The following CD96 variants were observed in gnomAD, a reference collection of about 807,000 sequenced individuals.
The protein encoded by CD96 is CD96 molecule.
In CD96, 70 loss-of-function variants were observed where a neutral mutation model predicts 71.3. The observed-to-expected ratio is 0.98, with a 90% CI of 0.81 to 1.20. The LOEUF (loss-of-function observed/expected upper bound fraction) is 1.20. Ranked by LOEUF, CD96 falls within the 50% of genes most tolerant of loss-of-function variation. The pLI is 0.00. For synonymous variants in CD96, 248 were observed against 233.0 expected, an observed-to-expected ratio of 1.06 and a Z score of -0.59; for missense variants, 742 against 677.5, an observed-to-expected ratio of 1.10 and a Z score of -1.06.
At chr3:111,574,404 A>C (rs1397591728) in intron 3 of CD96, among the ~76,000 whole-genome samples, 1 of 152,214 alleles carries the variant, frequency 6.6e-6, no homozygotes, top group African/African-American at 2.4e-5. Flanking sequence ...ATAGTCCAAA[A>C]TCCAAAACAT....
At chr3:111,562,064 G>A (rs980069294) in intron 2 of CD96, among the ~76,000 whole-genome samples, 11 of 152,192 alleles carry the variant, frequency 7.2e-5, no homozygotes, top group Non-Finnish European at 1.0e-4. Context: ...GCCCTGCTTC[G>A]GCTCCCGCAC....
chr3:111,664,338 T>C (rs1049794720), intron 14 of CD96, among the ~76,000 whole-genome samples: 4 of 152,070 alleles, frequency 2.6e-5, no homozygotes, highest in Non-Finnish European at 5.9e-5. Flanking sequence ...TTAAAAAGAA[T>C]GAAATCATGT....
At chr3:111,578,461 C>T (rs1489593072) in intron 3 of CD96, among the ~76,000 whole-genome samples, 1 of 152,194 alleles carries the variant, frequency 6.6e-6, no homozygotes, top group East Asian at 1.9e-4. Flanking sequence ...AGGCAAGGAG[C>T]TGCCCCAGGG....
chr3:111,649,238 G>GTTATGGTTCTGGTTATC (rs1559779291), intron 13 of CD96, among the ~76,000 whole-genome samples: 6 of 152,208 alleles, frequency 3.9e-5, no homozygotes, highest in Middle Eastern at 3.2e-3. Context: ...AGTTGTCATG[G>GTTATGGTTCTGGTTATC]AGAGTATCAG....
chr3:111,605,050 TATGATCC>T (rs1285238019), intron 7 of CD96, among the ~76,000 whole-genome samples: 1 of 152,222 alleles, frequency 6.6e-6, no homozygotes, highest in Non-Finnish European at 1.5e-5. Flanking sequence ...AGATAATGCT[TATGATCC>T]ACCAGCTGTC....
At chr3:111,642,823 A>G (rs1939654542) in intron 12 of CD96, among the ~76,000 whole-genome samples, 1 of 151,964 alleles carries the variant, frequency 6.6e-6, no homozygotes, top group Non-Finnish European at 1.5e-5. Flanking sequence ...AAATAAATAA[A>G]TAAAAGAAAA....
intron 2 of CD96, among the ~76,000 whole-genome samples, chr3:111,565,573 TTAGA>T (rs1242951698): frequency 2.0e-5 from 3 of 152,078 alleles, no homozygotes; most frequent in African/African-American, 7.2e-5. Context: ...AAGAATAAAA[TTAGA>T]TAGTAGTAAT....
intron 14 of CD96, among the ~76,000 whole-genome samples, chr3:111,662,233 G>A (rs1940376038): frequency 6.6e-6 from 1 of 152,230 alleles, no homozygotes; most frequent in African/African-American, 2.4e-5. Flanking sequence ...ACAGAGCAGT[G>A]GAGCCCTGGG....
chr3:111,561,804 C>T (rs539294989), intron 2 of CD96, among the ~76,000 whole-genome samples: 4 of 150,488 alleles, frequency 2.7e-5, no homozygotes, highest in African/African-American at 9.7e-5. Context: ...GCCCCTCCCC[C>T]AGCCTCGCTG....
At position 111,557,135 on chromosome 3, in the gene CD96, T is replaced by C. The variant is rs1347126033; in HGVS notation, c.419-10388T>C. 7.4e-5 allele frequency among the ~76,000 whole-genome samples: 8 copies of C among 108,486 alleles called. 1 individual carries two copies. Among genetic ancestry groups the C allele is most frequent in the African/African-American group, 2.3e-4 (5 of 21,740 alleles). The allele number at this position is 108,486 out of a possible 152,430, so 71.2% of individuals were successfully genotyped here. On this transcript the variant is annotated intron_variant, in intron 2 of 13. Transcript: ENST00000352690. ...TTGTCAGATGAGTAGGTTGCGAAAA[T>C]TTTCTCCCATTTTGTAGGTTGCCTG...
intron 5 of CD96, chr3:111,594,331 G>T: frequency 8.7e-7 from 1 of 1,152,700 alleles, no homozygotes; most frequent in Non-Finnish European, 1.2e-6. Context: ...AATGGCCAAA[G>T]TCTGGCCACA....
At chr3:111,573,155 G>C (rs1416216711) in intron 3 of CD96, among the ~76,000 whole-genome samples, 1 of 152,192 alleles carries the variant, frequency 6.6e-6, no homozygotes, top group Admixed American at 6.5e-5. Flanking sequence ...CCCATCTTAT[G>C]CATTGGGACA....
intron 10 of CD96, chr3:111,635,096 A>G (rs1214475352): frequency 1.3e-5 from 2 of 153,488 alleles, no homozygotes; most frequent in Non-Finnish European, 2.9e-5. Context: ...AGACGATTCT[A>G]TAAACAAGCA....
At chr3:111,574,994 A>T (rs1400130318) in intron 3 of CD96, among the ~76,000 whole-genome samples, 1 of 151,060 alleles carries the variant, frequency 6.6e-6, no homozygotes, top group East Asian at 1.9e-4. Context: ...GGGTTTCACC[A>T]TGTTTCCCAG....
At chr3:111,641,362 A>C (rs1939582398) in intron 12 of CD96, among the ~76,000 whole-genome samples, 2 of 152,278 alleles carry the variant, frequency 1.3e-5, no homozygotes, top group Non-Finnish European at 2.9e-5. Context: ...CATATCAGAC[A>C]AAACAAACTT....
At chr3:111,555,919 T>C (rs1196318363) in intron 2 of CD96, among the ~76,000 whole-genome samples, 1 of 152,306 alleles carries the variant, frequency 6.6e-6, no homozygotes, top group South Asian at 2.1e-4. Flanking sequence ...TACTTGATAC[T>C]GTCCTATATG....
intron 4 of CD96, chr3:111,579,498 A>T: frequency 1.9e-6 from 1 of 517,998 alleles, no homozygotes; most frequent in South Asian, 2.0e-5. Flanking sequence ...TTACAATGAA[A>T]TACCTGAAAC....
At chr3:111,573,308 C>A (rs1317904978) in intron 3 of CD96, among the ~76,000 whole-genome samples, 5 of 152,174 alleles carry the variant, frequency 3.3e-5, no homozygotes, top group African/African-American at 1.2e-4. Context: ...ATATATGAAT[C>A]TGTTTTGAGC....
rs139540088 is a variant in CD96, at chr3:111,585,363, G to A, written c.792G>A (p.Thr264=). ...EIPVIVENNS[T]DVLVERRFTC... is the part of the protein sequence containing the mutation. The stretch of plus-strand genomic sequence containing the variant: ...CTGTGATTGTGGAAAATAACTCCAC[G>A]GATGTCTTGGTAGAGGTGAGTCACA... The change falls in exon 5 of 14, where the codon ACG becomes ACA. Residue 264 remains threonine (T), a synonymous_variant. Coordinates refer to ENST00000352690, the MANE Select transcript of CD96 (RefSeq NM_005816.5). 18 of 1,607,746 alleles carry A rather than the reference G, an allele frequency of 1.1e-5. No homozygotes were observed. In the African/African-American group the frequency reaches 1.2e-4, roughly 11 times the overall value.
Sources: gnomAD v4.1 joint callset for allele counts (sites outside exome capture counted in the v4.1 genomes callset) on GRCh38, gnomAD v4.1.1 for gene constraint, MANE v1.5 for transcripts, NCBI Gene and HGNC (gene_info 2026-07-23, HGNC 2026-07-21) for gene names.